The following LRP1B variants were observed in gnomAD, a reference collection of about 807,000 sequenced individuals.
LRP1B encodes the protein LDL receptor related protein 1B, also known as low-density lipoprotein receptor-related protein 1B.
Under a neutral mutation model 556.6 loss-of-function variants are expected in LRP1B, and 217 were observed. That is an observed-to-expected ratio of 0.39 (90% CI 0.35 to 0.44). The LOEUF is 0.44. Ranked by LOEUF, LRP1B falls within the 20% of genes least tolerant of loss-of-function variation. LRP1B has a pLI of 1.00. For synonymous variants in LRP1B, 2,047 were observed against 1,865.8 expected (o/e 1.10, Z -2.50); for missense variants, 5,053 against 5,620.8 (o/e 0.90, Z 3.23).
intron 2 of LRP1B, among the ~76,000 whole-genome samples, chr2:141,701,181 C>T (rs912221416): frequency 6.6e-6 from 1 of 151,800 alleles, no homozygotes; most frequent in African/African-American, 2.4e-5. Flanking sequence ...TACAGCTTTG[C>T]TTATAAACTT....
rs867908487 is a variant in LRP1B at position 140,735,633 on chromosome 2, C to A, written c.5759-18817G>T. Among the ~76,000 whole-genome samples the A allele has an allele frequency of 2.6e-5, 4 of 152,112 alleles. No individual in the cohort carries two copies. In the East Asian group the frequency reaches 5.8e-4, roughly 22 times the overall value. ...TGGCTCCTGAAATACCCCTTGGACT[C>A]GCAGAGTTTGCAGAGATGGCCCAGT... On this transcript the variant is annotated intron_variant, in intron 35 of 90. Coordinates refer to ENST00000389484, the MANE Select transcript of LRP1B (RefSeq NM_018557.3).
intron 20 of LRP1B, among the ~76,000 whole-genome samples, chr2:140,927,355 G>T (rs188181063): frequency 6.6e-6 from 1 of 152,170 alleles, no homozygotes; most frequent in East Asian, 1.9e-4. Flanking sequence ...TTACAGAAAT[G>T]ATTAATTTTC....
In LRP1B at chr2:141,241,708, G is replaced by A. The variant is rs112129652; in HGVS notation, c.592+5518C>T. Among the ~76,000 whole-genome samples, 348 of 152,074 alleles carry A rather than the reference G, an allele frequency of 2.3e-3. 4 individuals carry two copies. The highest frequency in any genetic ancestry group is 7.6e-3 in the African/African-American group (314 of 41,496). On this transcript the variant is annotated intron_variant, in intron 5 of 90. Transcript: ENST00000389484. ...AAGCACATACTCTGCTTCAGGCATT[G>A]AGCTACTTTTTTGCTACTTTCTCTT...
chr2:140,735,147 G>A (rs1450195727), intron 35 of LRP1B, among the ~76,000 whole-genome samples: 1 of 152,172 alleles, frequency 6.6e-6, no homozygotes, highest in Non-Finnish European at 1.5e-5. Context: ...TGAGTAGCAT[G>A]TGGGGCAATG....
chr2:141,223,636 A>G (rs1438547052), intron 6 of LRP1B, among the ~76,000 whole-genome samples: 1 of 152,200 alleles, frequency 6.6e-6, no homozygotes, highest in East Asian at 1.9e-4. Context: ...AAACTATACT[A>G]CAAGGCTACA....
chr2:141,675,654 C>A (rs750862765), intron 2 of LRP1B, among the ~76,000 whole-genome samples: 1 of 141,856 alleles, frequency 7.0e-6, no homozygotes, highest in Non-Finnish European at 1.5e-5. Context: ...CAAATCCTAG[C>A]TTCTAATTAT....
At chr2:141,450,060 T>C (rs1681357867) in intron 3 of LRP1B, among the ~76,000 whole-genome samples, 2 of 152,098 alleles carry the variant, frequency 1.3e-5, no homozygotes, top group African/African-American at 4.8e-5. Flanking sequence ...CATTTATTAT[T>C]TTAAACGTTG....
At chr2:140,713,586 A>G (rs769731436) in intron 37 of LRP1B, among the ~76,000 whole-genome samples, 7 of 151,970 alleles carry the variant, frequency 4.6e-5, no homozygotes, top group Non-Finnish European at 8.8e-5. Context: ...AGGGTCCAGG[A>G]CTGGTTTGGA....
chr2:141,411,981 C>T (rs978554567), intron 3 of LRP1B, among the ~76,000 whole-genome samples: 3 of 151,786 alleles, frequency 2.0e-5, no homozygotes, highest in African/African-American at 7.3e-5. Flanking sequence ...AAATACTGCA[C>T]CTCATACTAG....
intron 22 of LRP1B, among the ~76,000 whole-genome samples, chr2:140,904,519 G>A (rs1488973876): frequency 6.6e-6 from 1 of 151,926 alleles, no homozygotes; most frequent in Non-Finnish European, 1.5e-5. Flanking sequence ...TGAAATGTAA[G>A]GCTTTTAAAA....
At chr2:141,421,334 C>G (rs1680131992) in intron 3 of LRP1B, among the ~76,000 whole-genome samples, 1 of 151,808 alleles carries the variant, frequency 6.6e-6, no homozygotes, top group African/African-American at 2.4e-5. Context: ...CGAGACCATC[C>G]CGGCTAAAAC....
intron 12 of LRP1B, among the ~76,000 whole-genome samples, chr2:141,017,994 C>A: frequency 6.8e-6 from 1 of 147,570 alleles, no homozygotes; most frequent in African/African-American, 2.5e-5. Context: ...GAGTAAGATC[C>A]TGTCTAAAAA....
chr2:141,493,070 T>A (rs1683391573), intron 2 of LRP1B, among the ~76,000 whole-genome samples: 1 of 152,166 alleles, frequency 6.6e-6, no homozygotes, highest in Non-Finnish European at 1.5e-5. Flanking sequence ...ATTATCTTAT[T>A]AAATCTTCAC....
At chr2:140,579,841 C>A (rs932674677) in intron 43 of LRP1B, among the ~76,000 whole-genome samples, 3 of 152,046 alleles carry the variant, frequency 2.0e-5, no homozygotes, top group Non-Finnish European at 4.4e-5. Flanking sequence ...GACTCCATCT[C>A]AAAAAATAAT....
chr2:140,620,335 C>T (rs1683406270), intron 41 of LRP1B, among the ~76,000 whole-genome samples: 1 of 152,114 alleles, frequency 6.6e-6, no homozygotes, highest in African/African-American at 2.4e-5. Flanking sequence ...TTGAAATTTG[C>T]TTAGTCTGTC....
chr2:140,935,157 G>T (rs1695166432), intron 20 of LRP1B, among the ~76,000 whole-genome samples: 3 of 151,960 alleles, frequency 2.0e-5, no homozygotes, highest in Admixed American at 2.0e-4. Context: ...CCCATTCAAA[G>T]AAAACAAAAT....
chr2:140,264,431 G>A (rs573416077), intron 86 of LRP1B, among the ~76,000 whole-genome samples: 30 of 151,966 alleles, frequency 2.0e-4, no homozygotes, highest in Admixed American at 1.6e-3. Flanking sequence ...GTTTCACCAC[G>A]TTGGCCAGGC....
At chr2:142,047,607 T>G (rs1420457718) in intron 1 of LRP1B, among the ~76,000 whole-genome samples, 1 of 151,956 alleles carries the variant, frequency 6.6e-6, no homozygotes, top group Non-Finnish European at 1.5e-5. Context: ...GTTCACAAAC[T>G]ATTTCCTATG....
intron 2 of LRP1B, among the ~76,000 whole-genome samples, chr2:141,797,842 C>T (rs1025612921): frequency 6.6e-6 from 1 of 152,080 alleles, no homozygotes; most frequent in African/African-American, 2.4e-5. Context: ...GGTCAGAAAA[C>T]AGCCAGAAAA....
Sources: allele counts gnomAD v4.1 joint callset (sites outside exome capture counted in the v4.1 genomes callset), GRCh38; gene constraint gnomAD v4.1.1; transcripts MANE v1.5; gene names NCBI Gene and HGNC (gene_info 2026-07-23, HGNC 2026-07-21).